PPP2R2B: variants seen among roughly 807,000 people sequenced by gnomAD.
PPP2R2B encodes the protein serine/threonine-protein phosphatase 2A 55 kDa regulatory subunit B beta isoform.
In PPP2R2B, 5 loss-of-function variants were observed where a neutral mutation model predicts 46.0. The ratio of observed to expected loss-of-function variants is 0.11; its 90% CI spans 0.06 to 0.23. The LOEUF is 0.23. Among genes scored for constraint, PPP2R2B ranks in the 10% least tolerant of loss-of-function variants. The probability of loss-of-function intolerance (pLI) is 1.00; values close to 1 mark genes in which losing one functional copy is unlikely to be tolerated. For missense variants in PPP2R2B, 367 were observed against 575.0 expected, an observed-to-expected ratio of 0.64 and a Z score of 3.70; for synonymous variants, 215 against 206.7, an observed-to-expected ratio of 1.04 and a Z score of -0.34.
intron 2 of PPP2R2B, among the ~76,000 whole-genome samples, chr5:146,814,595 A>C (rs1227290525): frequency 1.3e-5 from 2 of 152,232 alleles, no homozygotes; most frequent in African/African-American, 4.8e-5. Context: ...GAATGGGCTC[A>C]AGCATGCGCA....
intron 2 of PPP2R2B, among the ~76,000 whole-genome samples, chr5:146,728,021 T>A (rs1034506216): frequency 6.6e-6 from 1 of 152,138 alleles, no homozygotes; most frequent in Admixed American, 6.6e-5. Flanking sequence ...TCTTTTGAGA[T>A]AATTCTATTT....
At chr5:146,842,450 A>C (rs922538940) in intron 2 of PPP2R2B, among the ~76,000 whole-genome samples, 13 of 151,838 alleles carry the variant, frequency 8.6e-5, no homozygotes, top group Non-Finnish European at 2.9e-5. Context: ...GGAAAAAAAA[A>C]AGACATACTT....
chr5:146,780,469 C>A (rs1461898401), intron 2 of PPP2R2B, among the ~76,000 whole-genome samples: 1 of 152,184 alleles, frequency 6.6e-6, no homozygotes, highest in Non-Finnish European at 1.5e-5. Context: ...CTGATTCAGA[C>A]TTTAAAGGCT....
chr5:146,879,052 C>T (rs1762074816), upstream of PPP2R2B: 1 of 460,982 alleles, frequency 2.2e-6, no homozygotes, highest in East Asian at 9.9e-5. Flanking sequence ...TTTCTCCGGA[C>T]GCCTGAACTT....
rs560747906 is a variant in PPP2R2B, at chr5:146,957,549, T to C, written c.79+98116A>G. ...GAAGAGAAAATTCAGTAGGCACCAG[T>C]TGATGGGATATAAACAAATAAATAC... is the stretch of plus-strand genomic sequence containing the variant. On this transcript the variant is annotated intron_variant, in intron 1 of 8. Transcript: ENST00000336640. Among the ~76,000 whole-genome samples, 4 of 152,262 alleles carry C rather than the reference T, an allele frequency of 2.6e-5. No homozygotes were observed. The East Asian group carries it at 7.7e-4, about 29-fold the overall frequency.
intron 1 of PPP2R2B, among the ~76,000 whole-genome samples, chr5:146,943,531 C>T (rs912993557): frequency 1.3e-5 from 2 of 152,184 alleles, no homozygotes; most frequent in Non-Finnish European, 2.9e-5. Flanking sequence ...TTAATCTTGA[C>T]TCCATTTTAA....
At chr5:146,690,027 G>A (rs1268228778) in intron 5 of PPP2R2B, among the ~76,000 whole-genome samples, 5 of 152,182 alleles carry the variant, frequency 3.3e-5, no homozygotes, top group African/African-American at 1.2e-4. Context: ...ATAAACAAGT[G>A]AGCTAATTAA....
chr5:146,870,515 T>G lies in PPP2R2B; in HGVS notation c.70+7487A>C, dbSNP rs531293984. Among the ~76,000 whole-genome samples, 258 of 152,310 alleles carry G rather than the reference T, an allele frequency of 1.7e-3. 1 individual carries two copies. Among genetic ancestry groups the G allele is most frequent in the African/African-American group, 5.4e-3 (223 of 41,570 alleles). The stretch of plus-strand genomic sequence containing the variant: ...GAAACCAACCATGCTGGCACCTTGA[T>G]CGTGGACTTCCAGACTCCAGAAATG... On this transcript the variant is annotated intron_variant, in intron 2 of 9. Coordinates refer to ENST00000394411, the MANE Select transcript of PPP2R2B (RefSeq NM_181675.4).
At chr5:147,050,217 T>C (rs765520067) in intron 1 of PPP2R2B, among the ~76,000 whole-genome samples, 2 of 152,228 alleles carry the variant, frequency 1.3e-5, no homozygotes, top group African/African-American at 2.4e-5. Flanking sequence ...GTTTTTGTCT[T>C]CCTTAATTCT....
At chr5:147,007,773 G>A (rs954106020) in intron 1 of PPP2R2B, among the ~76,000 whole-genome samples, 5 of 152,126 alleles carry the variant, frequency 3.3e-5, no homozygotes, top group East Asian at 1.9e-4. Context: ...CACTGACTGC[G>A]AGGGTCTGCG....
At chr5:146,951,701 TA>T (rs1205320766) in intron 1 of PPP2R2B, among the ~76,000 whole-genome samples, 1 of 152,134 alleles carries the variant, frequency 6.6e-6, no homozygotes, top group African/African-American at 2.4e-5. Context: ...CATTCCTTTT[TA>T]TGGCTGCATA....
chr5:146,653,061 C>G (rs970645229), intron 5 of PPP2R2B, among the ~76,000 whole-genome samples: 3 of 152,146 alleles, frequency 2.0e-5, no homozygotes, highest in Non-Finnish European at 4.4e-5. Flanking sequence ...ATTCTTCATA[C>G]ATAATCTCAG....
chr5:146,793,056 A>C (rs1756308267), intron 2 of PPP2R2B, among the ~76,000 whole-genome samples: 1 of 152,240 alleles, frequency 6.6e-6, no homozygotes, highest in Admixed American at 6.5e-5. Context: ...ACTTGCTTGC[A>C]TCAGCACGGT....
intron 2 of PPP2R2B, among the ~76,000 whole-genome samples, chr5:146,747,521 C>A (rs575698522): frequency 1.3e-5 from 2 of 152,174 alleles, no homozygotes; most frequent in African/African-American, 2.4e-5. Context: ...AGGGAACTTA[C>A]CACTTCAACA....
chr5:146,782,471 A>G (rs913681866), intron 2 of PPP2R2B, among the ~76,000 whole-genome samples: 1 of 152,236 alleles, frequency 6.6e-6, no homozygotes, highest in Admixed American at 6.5e-5. Flanking sequence ...TTATAAAGTT[A>G]TAAAGCCCAA....
At chr5:146,749,873 C>T (rs1472818968) in intron 2 of PPP2R2B, among the ~76,000 whole-genome samples, 5 of 152,132 alleles carry the variant, frequency 3.3e-5, no homozygotes, top group African/African-American at 1.2e-4. Flanking sequence ...GTTGGGATTA[C>T]AGGCGTGAGC....
At chr5:147,049,890 C>A (rs530030525) in intron 1 of PPP2R2B, among the ~76,000 whole-genome samples, 103 of 152,244 alleles carry the variant, frequency 6.8e-4, no homozygotes, top group African/African-American at 2.4e-3. Flanking sequence ...ATGACACTTT[C>A]AAGGCATTTT....
rs144986554 is a variant in PPP2R2B, at chr5:146,630,034, G to A, written c.790+8217C>T. Among the ~76,000 whole-genome samples, 607 of 152,194 alleles carry A rather than the reference G, an allele frequency of 4.0e-3. 8 individuals are homozygous for A. The highest frequency in any genetic ancestry group is 0.014 in the African/African-American group (574 of 41,534). On this transcript the variant is annotated intron_variant, in intron 7 of 9. Transcript: ENST00000394411. ...TTGCCATGTTGGCCAGGCTGGTCTCGAACCTCCTGGCCTCAAGCAACCCAC... is the reference window on the plus strand; with the variant it reads ...TTGCCATGTTGGCCAGGCTGGTCTCAAACCTCCTGGCCTCAAGCAACCCAC...
At chr5:147,059,972 A>G (rs1326915591), upstream of PPP2R2B, among the ~76,000 whole-genome samples, 1 of 151,518 alleles carries the variant, frequency 6.6e-6, no homozygotes, top group Non-Finnish European at 1.5e-5. Flanking sequence ...TGTTTTTACA[A>G]CCTCTTTTGG....
Sources: gnomAD v4.1 joint callset for allele counts (sites outside exome capture counted in the v4.1 genomes callset) on GRCh38, gnomAD v4.1.1 for gene constraint, MANE v1.5 for transcripts, NCBI Gene and HGNC (gene_info 2026-07-23, HGNC 2026-07-21) for gene names.